The following ROBO1 variants were observed in gnomAD, a reference collection of about 807,000 sequenced individuals.
The protein encoded by ROBO1 is roundabout homolog 1.
A neutral mutation model predicts 195.9 loss-of-function variants in ROBO1; 149 were observed. That is an observed-to-expected ratio of 0.76 (90% CI 0.67 to 0.87). The LOEUF (loss-of-function observed/expected upper bound fraction) is 0.87, where lower values mean the gene tolerates loss of function less well. Among genes scored for constraint, ROBO1 ranks in the 40% least tolerant of loss-of-function variants. ROBO1 has a pLI of 0.00. For synonymous variants in ROBO1, 816 were observed against 733.2 expected, an observed-to-expected ratio of 1.11 and a Z score of -1.82; for missense variants, 1,933 against 2,068.3, an observed-to-expected ratio of 0.93 and a Z score of 1.27.
At chr3:79,729,908 C>A (rs1212660632) in intron 1 of ROBO1, among the ~76,000 whole-genome samples, 3 of 152,146 alleles carry the variant, frequency 2.0e-5, no homozygotes, top group Admixed American at 6.5e-5. Flanking sequence ...GGCAGTACCT[C>A]CCAGAAACAT....
At position 79,679,121 on chromosome 3, in the gene ROBO1, T is replaced by A. The variant is rs4856564; in HGVS notation, c.-51+88631A>T. Among the ~76,000 whole-genome samples, 605 of 152,080 alleles carry A rather than the reference T, an allele frequency of 4.0e-3. 8 individuals are homozygous for A. The highest frequency in any genetic ancestry group is 0.012 in the African/African-American group (518 of 41,560). On this transcript the variant is annotated intron_variant, in intron 1 of 30. Transcript: ENST00000464233. Reference sequence around the variant, plus strand: ...AATTACACTTCCTCTAATTAACAATTAGTAACATTTTGATATGATACTTAA... The same window carrying A: ...AATTACACTTCCTCTAATTAACAATAAGTAACATTTTGATATGATACTTAA...
chr3:79,410,661 GGAAA>G (rs958016793), intron 2 of ROBO1, among the ~76,000 whole-genome samples: 4 of 149,840 alleles, frequency 2.7e-5, no homozygotes, highest in African/African-American at 7.4e-5. Context: ...AGAGAGGGAG[GGAAA>G]GAAAGAAAGA....
intron 2 of ROBO1, among the ~76,000 whole-genome samples, chr3:79,388,382 C>G (rs1017247605): frequency 6.6e-5 from 10 of 151,866 alleles, no homozygotes; most frequent in African/African-American, 2.4e-4. Flanking sequence ...TCTCTCTCTC[C>G]CACCTCCTGT....
At chr3:79,050,998 A>G (rs912085846) in intron 3 of ROBO1, among the ~76,000 whole-genome samples, 3 of 152,208 alleles carry the variant, frequency 2.0e-5, no homozygotes, top group Non-Finnish European at 4.4e-5. Context: ...CAATTAAAAG[A>G]ACTGAGAAGC....
chr3:78,807,103 C>T (rs919490458), intron 4 of ROBO1, among the ~76,000 whole-genome samples: 10 of 152,018 alleles, frequency 6.6e-5, no homozygotes, highest in African/African-American at 1.2e-4. Context: ...CCACCGTGCC[C>T]GGCCTAAAAA....
At chr3:78,803,470 G>A (rs981690126) in intron 4 of ROBO1, among the ~76,000 whole-genome samples, 1 of 152,034 alleles carries the variant, frequency 6.6e-6, no homozygotes, top group African/African-American at 2.4e-5. Flanking sequence ...TTAAAAATTC[G>A]AGGCATGAAT....
At chr3:79,324,911 C>T (rs1263450607) in intron 2 of ROBO1, among the ~76,000 whole-genome samples, 1 of 152,062 alleles carries the variant, frequency 6.6e-6, no homozygotes, top group African/African-American at 2.4e-5. Context: ...TACAAAGAGC[C>T]CAGAGTGGAA....
intron 2 of ROBO1, among the ~76,000 whole-genome samples, chr3:79,578,616 C>T (rs1314293761): frequency 1.3e-5 from 2 of 152,154 alleles, no homozygotes; most frequent in Non-Finnish European, 2.9e-5. Context: ...TGAAACAGCA[C>T]AGTGTCTACT....
At chr3:79,180,924 C>A (rs980380117) in intron 2 of ROBO1, among the ~76,000 whole-genome samples, 1 of 152,090 alleles carries the variant, frequency 6.6e-6, no homozygotes, top group Non-Finnish European at 1.5e-5. Flanking sequence ...CTTGAAGGAG[C>A]CAACATCCCG....
At chr3:78,981,826 A>ACACACAC (rs1559556530) in intron 3 of ROBO1, among the ~76,000 whole-genome samples, 1 of 135,458 alleles carries the variant, frequency 7.4e-6, no homozygotes, top group African/African-American at 2.9e-5. Context: ...CACACACACA[A>ACACACAC]AAACACACCC....
chr3:79,743,894 A>G lies in ROBO1; in HGVS notation c.-51+23858T>C, dbSNP rs72903619. Among the ~76,000 whole-genome samples, 1,113 of 152,294 alleles carry G rather than the reference A, an allele frequency of 7.3e-3. 12 individuals are homozygous for G. Among genetic ancestry groups the G allele is most frequent in the African/African-American group, 0.025 (1,044 of 41,554 alleles). ...AATAGCACACGGAGCCGTCGTCTCT[A>G]CGGTAACACTGCCTTCTTCTGCAAC... On this transcript the variant is annotated intron_variant, in intron 1 of 30. Transcript: ENST00000464233.
intron 2 of ROBO1, among the ~76,000 whole-genome samples, chr3:79,489,741 A>G (rs1299781533): frequency 6.7e-6 from 1 of 148,528 alleles, no homozygotes; most frequent in African/African-American, 2.6e-5. Context: ...CATACAGACA[A>G]ACAAAATATG....
chr3:78,788,440 T>TTAAAA (rs1553728992), intron 4 of ROBO1, among the ~76,000 whole-genome samples: 2 of 75,754 alleles, frequency 2.6e-5, no homozygotes, highest in Non-Finnish European at 4.9e-5. Flanking sequence ...TTTTTTTTTT[T>TTAAAA]AAAAAAAAAA....
At chr3:79,096,725 A>C (rs768714387) in intron 3 of ROBO1, among the ~76,000 whole-genome samples, 1 of 150,462 alleles carries the variant, frequency 6.6e-6, no homozygotes, top group Non-Finnish European at 1.5e-5. Context: ...TACATATATA[A>C]ATATGTATAT....
intron 4 of ROBO1, among the ~76,000 whole-genome samples, chr3:78,874,577 T>C (rs1472030461): frequency 6.6e-6 from 1 of 151,950 alleles, no homozygotes; most frequent in Non-Finnish European, 1.5e-5. Flanking sequence ...TTGAAAACTT[T>C]ATGTCATACA....
intron 1 of ROBO1, among the ~76,000 whole-genome samples, chr3:79,726,950 G>A (rs1259463389): frequency 6.6e-6 from 1 of 152,136 alleles, no homozygotes; most frequent in Non-Finnish European, 1.5e-5. Context: ...CATAGTCTTA[G>A]GTTTGACTAA....
chr3:78,849,876 A>C (rs1209927420), intron 4 of ROBO1, among the ~76,000 whole-genome samples: 1 of 150,674 alleles, frequency 6.6e-6, no homozygotes, highest in Non-Finnish European at 1.5e-5. Flanking sequence ...ACACACTCTT[A>C]TAGTCATGCA....
chr3:78,860,368 G>A (rs1184014949), intron 4 of ROBO1, among the ~76,000 whole-genome samples: 1 of 137,686 alleles, frequency 7.3e-6, no homozygotes, highest in Non-Finnish European at 1.5e-5. Flanking sequence ...GTGGAAAATG[G>A]TGGAGAACCA....
At chr3:79,204,793 G>C (rs1188756974) in intron 2 of ROBO1, among the ~76,000 whole-genome samples, 1 of 152,036 alleles carries the variant, frequency 6.6e-6, no homozygotes, top group Admixed American at 6.6e-5. Context: ...ATTCCTAATG[G>C]GTTTGAGCAT....
Sources: allele counts gnomAD v4.1 joint callset (sites outside exome capture counted in the v4.1 genomes callset), GRCh38; gene constraint gnomAD v4.1.1; transcripts MANE v1.5; gene names NCBI Gene and HGNC (gene_info 2026-07-23, HGNC 2026-07-21).